The following NEO1 variants were observed in gnomAD, a reference collection of about 807,000 sequenced individuals.
The protein encoded by NEO1 is neogenin 1, also known as neogenin.
In NEO1, 63 loss-of-function variants were observed where a neutral mutation model predicts 159.7. The ratio of observed to expected loss-of-function variants is 0.39; its 90% CI spans 0.32 to 0.49. NEO1 has a LOEUF of 0.49. Ranked by LOEUF, NEO1 falls within the 20% of genes least tolerant of loss-of-function variation. The probability of loss-of-function intolerance (pLI) is 0.85; values close to 1 mark genes in which losing one functional copy is unlikely to be tolerated. For missense variants in NEO1, 1,615 were observed against 1,831.0 expected, an observed-to-expected ratio of 0.88 and a Z score of 2.15; for synonymous variants, 633 against 662.0, an observed-to-expected ratio of 0.96 and a Z score of 0.67.
chr15:73,298,177 G>T, intron 26 of NEO1, 171 bp from the exon 27 acceptor site: 1 of 757,282 alleles, frequency 1.3e-6, no homozygotes, highest in Non-Finnish European at 2.1e-6. Context: ...AAAATTGTTC[G>T]AGACTCCATT....
At chr15:73,105,893 A>G (rs2070666701) in intron 1 of NEO1, among the ~76,000 whole-genome samples, 1 of 152,202 alleles carries the variant, frequency 6.6e-6, no homozygotes, top group Admixed American at 6.5e-5. Context: ...TATCTGCCAA[A>G]TCTGTCCATT....
At chr15:73,174,324 C>G (rs1470848490) in intron 5 of NEO1, among the ~76,000 whole-genome samples, 5 of 152,156 alleles carry the variant, frequency 3.3e-5, no homozygotes. Context: ...CACAGGAAAT[C>G]CCCTGCTGGG....
At chr15:73,278,031 C>G in intron 21 of NEO1, 100 bp from the exon 22 acceptor site, 1 of 992,050 alleles carries the variant, frequency 1.0e-6, no homozygotes, top group Non-Finnish European at 1.5e-6. Flanking sequence ...ACAGAATAGA[C>G]TAAAAATTGT....
Position 73,234,625 on chromosome 15 carries a change from T to C in NEO1, c.1292-1722T>C, listed in dbSNP as rs572256770. 2.0e-5 allele frequency among the ~76,000 whole-genome samples: 3 copies of C among 152,358 alleles called. No individual in the cohort carries two copies. The South Asian group carries it at 6.2e-4, about 32-fold the overall frequency. ...GCAACCATTCAGAGTTAATGTTTTGTAGTGTTGACACTTGCTTTAGTGAAG... is the reference window on the plus strand; with the variant it reads ...GCAACCATTCAGAGTTAATGTTTTGCAGTGTTGACACTTGCTTTAGTGAAG... On this transcript the variant is annotated intron_variant, in intron 7 of 28. Transcript: ENST00000261908.
At chr15:73,091,587 G>A (rs1205919291) in intron 1 of NEO1, among the ~76,000 whole-genome samples, 1 of 152,066 alleles carries the variant, frequency 6.6e-6, no homozygotes, top group African/African-American at 2.4e-5. Flanking sequence ...TTCTGAGACA[G>A]GGTCTCACTC....
chr15:73,180,136 T>C lies in NEO1; in HGVS notation c.1291+1709T>C, dbSNP rs568764023. Reference sequence around the variant, plus strand: ...AAAATACATGAAAAAGATGCCACTTTAGACATCTGATCTTTTATTCAAGTC... The same window carrying C: ...AAAATACATGAAAAAGATGCCACTTCAGACATCTGATCTTTTATTCAAGTC... On this transcript the variant is annotated intron_variant, in intron 7 of 28. Transcript: ENST00000261908. Among the ~76,000 whole-genome samples, 9 of 152,286 alleles carry C rather than the reference T, an allele frequency of 5.9e-5. No individual in the cohort carries two copies. The East Asian group carries it at 1.7e-3, about 29-fold the overall frequency.
At position 73,229,594 on chromosome 15, in the gene NEO1, T is replaced by C. The variant is rs544405136; in HGVS notation, c.1292-6753T>C. 5.3e-5 allele frequency among the ~76,000 whole-genome samples: 8 copies of C among 152,194 alleles called. 1 individual carries two copies. The South Asian group carries it at 1.5e-3, about 28-fold the overall frequency. On this transcript the variant is annotated intron_variant, in intron 7 of 28. Coordinates refer to ENST00000261908, the MANE Select transcript of NEO1 (RefSeq NM_002499.4). ...TGCCATTTTGCACTTGCTAGGACTT[T>C]TAGTACTAAGGAATGAGAAACTAAT... is the stretch of plus-strand genomic sequence containing the variant.
chr15:73,146,013 G>A (rs983403688), intron 5 of NEO1, among the ~76,000 whole-genome samples: 3 of 152,162 alleles, frequency 2.0e-5, no homozygotes, highest in South Asian at 2.1e-4. Context: ...TATCACTTCT[G>A]CCTAGAATGT....
chr15:73,101,658 G>A (rs1324617935), intron 1 of NEO1, among the ~76,000 whole-genome samples: 1 of 152,152 alleles, frequency 6.6e-6, no homozygotes, highest in East Asian at 1.9e-4. Flanking sequence ...TCATAGTCCT[G>A]TGCTGTCTAT....
chr15:73,256,881 G>C (rs1054368491), intron 13 of NEO1, among the ~76,000 whole-genome samples: 7 of 151,948 alleles, frequency 4.6e-5, no homozygotes, highest in Non-Finnish European at 1.0e-4. Context: ...TTGAGCCCAA[G>C]AGTTTGAGAC....
chr15:73,091,087 C>G (rs552917732), intron 1 of NEO1, among the ~76,000 whole-genome samples: 1 of 152,312 alleles, frequency 6.6e-6, no homozygotes, highest in African/African-American at 2.4e-5. Context: ...AACCCACGCT[C>G]TTATCCACTA....
chr15:73,071,628 G>A (rs533626700), intron 1 of NEO1, among the ~76,000 whole-genome samples: 16 of 152,150 alleles, frequency 1.1e-4, no homozygotes, highest in Admixed American at 2.0e-4. Flanking sequence ...TGTGGGCTGA[G>A]TTGATTGTCC....
chr15:73,183,465 C>T (rs1178509350), intron 7 of NEO1, among the ~76,000 whole-genome samples: 3 of 152,022 alleles, frequency 2.0e-5, no homozygotes, highest in African/African-American at 4.8e-5. Flanking sequence ...CTGAAAGAGG[C>T]GCAGAAATCA....
At chr15:73,281,362 C>G (rs1393753141) in intron 22 of NEO1, among the ~76,000 whole-genome samples, 1 of 151,572 alleles carries the variant, frequency 6.6e-6, no homozygotes, top group Non-Finnish European at 1.5e-5. Context: ...TCGCGCCATT[C>G]TGCTGCCTCA....
At chr15:73,293,145 AT>A (rs1167773016) in intron 25 of NEO1, among the ~76,000 whole-genome samples, 10 of 152,216 alleles carry the variant, frequency 6.6e-5, no homozygotes, top group Non-Finnish European at 1.3e-4. Context: ...AACTGTTAAC[AT>A]TTTAGTGTAT....
At chr15:73,195,386 C>T (rs1037030474) in intron 7 of NEO1, among the ~76,000 whole-genome samples, 2 of 152,108 alleles carry the variant, frequency 1.3e-5, no homozygotes, top group African/African-American at 4.8e-5. Flanking sequence ...TATAGACTAG[C>T]TTTCATATAG....
chr15:73,234,691 T>G lies in NEO1; in HGVS notation c.1292-1656T>G, dbSNP rs575868874. On this transcript the variant is annotated intron_variant, in intron 7 of 28. Transcript: ENST00000261908. Reference sequence around the variant, plus strand: ...GGGGCTAAAACTGCATTATCTTACATTCTTATAACAATCTGCACTCTTAAA... The same window carrying G: ...GGGGCTAAAACTGCATTATCTTACAGTCTTATAACAATCTGCACTCTTAAA... Among the ~76,000 whole-genome samples the G allele has an allele frequency of 3.9e-5, 6 of 152,234 alleles. No individual in the cohort carries two copies. The East Asian group carries it at 9.6e-4, about 24-fold the overall frequency.
intron 7 of NEO1, among the ~76,000 whole-genome samples, chr15:73,229,451 G>GT (rs200164416): frequency 0.13 from 17,379 of 131,624 alleles, 1,383 homozygotes; most frequent in East Asian, 0.38. Flanking sequence ...AGTTTTAGTT[G>GT]TTTTTTTTTT....
intron 7 of NEO1, among the ~76,000 whole-genome samples, chr15:73,219,915 C>T (rs1167076196): frequency 1.3e-5 from 2 of 151,492 alleles, no homozygotes; most frequent in African/African-American, 2.4e-5. Flanking sequence ...AGCATTTAGT[C>T]CATTTACATT....
Sources: gnomAD v4.1 joint callset for allele counts (sites outside exome capture counted in the v4.1 genomes callset) on GRCh38, gnomAD v4.1.1 for gene constraint, MANE v1.5 for transcripts, NCBI Gene and HGNC (gene_info 2026-07-23, HGNC 2026-07-21) for gene names.